ATG4B: variants seen among roughly 807,000 people sequenced by gnomAD.
ATG4B encodes autophagy related 4B cysteine peptidase.
In ATG4B, 29 loss-of-function variants were observed where a neutral mutation model predicts 56.6. The ratio of observed to expected loss-of-function variants is 0.51; its 90% CI spans 0.38 to 0.70. ATG4B has a LOEUF of 0.70. Ranked by LOEUF, ATG4B falls within the 30% of genes least tolerant of loss-of-function variation. The pLI, the probability that ATG4B is intolerant of heterozygous loss-of-function variation, is 0.00. For missense variants in ATG4B, 461 were observed against 515.5 expected, an observed-to-expected ratio of 0.89 and a Z score of 1.02; for synonymous variants, 224 against 206.1, an observed-to-expected ratio of 1.09 and a Z score of -0.74.
intron 11 of ATG4B, 70 bp downstream of exon 11, chr2:241,670,852 G>T (rs1344135303): frequency 1.4e-6 from 2 of 1,475,832 alleles, no homozygotes; most frequent in Admixed American, 1.9e-5. Flanking sequence ...GCGTGCAGGG[G>T]TCGAAGGCCT....
chr2:241,670,157 C>T (rs2068916585), intron 10 of ATG4B, among the ~76,000 whole-genome samples: 2 of 152,238 alleles, frequency 1.3e-5, no homozygotes, highest in South Asian at 2.1e-4. Context: ...TTTGTGTTAA[C>T]ATCTGCGCAT....
Position 241,672,912 on chromosome 2 carries a change from C to T in ATG4B, c.*648C>T. On this transcript the variant is annotated 3_prime_UTR_variant, in exon 13 of 13. Transcript: ENST00000404914. ...GTGGGAAACCTGAAGATGGCGTGCACAGGACACAGCGTGGGCGGCCTGGGC... is the reference window on the plus strand; with the variant it reads ...GTGGGAAACCTGAAGATGGCGTGCATAGGACACAGCGTGGGCGGCCTGGGC... 6.1e-6 allele frequency: 1 copy of T among 164,144 alleles called. No individual in the cohort carries two copies. Among genetic ancestry groups the T allele is most frequent in the Admixed American group, 5.6e-5 (1 of 17,746 alleles). The allele number at this position is 164,144 out of a possible 1,614,324, so 10.2% of individuals were successfully genotyped here.
In ATG4B at chr2:241,653,227, G is replaced by A. The variant is rs145510411; in HGVS notation, c.185-285G>A. 2,818 of 1,007,728 alleles carry A rather than the reference G, an allele frequency of 2.8e-3. 66 individuals carry two copies. The African/African-American group carries it at 0.04, about 14-fold the overall frequency. The allele number at this position is 1,007,728 out of a possible 1,614,324, so 62.4% of individuals were successfully genotyped here. ...CTTTGCATTTTCTGGATGACTTACG[G>A]GGGTCAGTGTCTTCATATGTTTGTC... is the stretch of plus-strand genomic sequence containing the variant. On this transcript the variant is annotated intron_variant, in intron 3 of 12. Coordinates refer to ENST00000404914, the MANE Select transcript of ATG4B (RefSeq NM_013325.5).
At chr2:241,652,613 C>T (rs1258445122) in intron 3 of ATG4B, among the ~76,000 whole-genome samples, 2 of 152,214 alleles carry the variant, frequency 1.3e-5, no homozygotes, top group Admixed American at 1.3e-4. Context: ...TCTCCCTCCT[C>T]AGCCTCCTGA....
In ATG4B at chr2:241,665,817, T is replaced by G. The variant is rs1005095540; in HGVS notation, c.539-828T>G. ...CTTTCACGTTTATTGGTTGGCGTTC[T>G]GAGAAGAGCCGCCTTTTCTCCCATC... On this transcript the variant is annotated intron_variant, in intron 7 of 12. Coordinates refer to ENST00000404914, the MANE Select transcript of ATG4B (RefSeq NM_013325.5). 3.3e-5 allele frequency among the ~76,000 whole-genome samples: 5 copies of G among 152,388 alleles called. No homozygotes were observed. In the South Asian group the frequency reaches 1.0e-3, roughly 32 times the overall value.
intron 1 of ATG4B, among the ~76,000 whole-genome samples, chr2:241,646,598 A>ACT (rs563365539): frequency 6.6e-6 from 1 of 152,148 alleles, no homozygotes; most frequent in South Asian, 2.1e-4. Flanking sequence ...GCCTCCAGAT[A>ACT]CTCTCGAGAT....
intron 6 of ATG4B, 62 bp from the exon 7 acceptor site, chr2:241,659,046 T>G: frequency 7.4e-7 from 1 of 1,356,504 alleles, no homozygotes. Flanking sequence ...CAGCTATAGC[T>G]GCAAAGATGA....
chr2:241,652,451 AGCAGCCCTGTC>A (rs2068253053), intron 3 of ATG4B, among the ~76,000 whole-genome samples: 1 of 152,228 alleles, frequency 6.6e-6, no homozygotes, highest in Non-Finnish European at 1.5e-5. Context: ...CTGCACATGA[AGCAGCCCTGTC>A]GCAGTTCTGA....
At position 241,650,907 on chromosome 2, in the gene ATG4B, TAC is replaced by T. The variant is rs909737648; in HGVS notation, c.11-101_11-100del. 1.3e-4 allele frequency: 123 copies of T among 947,220 alleles called. No homozygotes were observed. In the African/African-American group the frequency reaches 1.7e-3, roughly 13 times the overall value. 58.7% of individuals were successfully genotyped at this position (947,220 alleles called of 1,614,324 possible). A position where few individuals can be genotyped will look rare whatever the true frequency, so the allele number is the denominator to read the frequency against. On this transcript the variant is annotated intron_variant, in intron 1 of 12. Coordinates refer to ENST00000404914, the MANE Select transcript of ATG4B (RefSeq NM_013325.5). The stretch of plus-strand genomic sequence containing the variant: ...AGGGAGTGCTGCTGTTACAAGAATT[TAC>T]AGTTGTTCTCTTCAGCACAGAAATG...
rs1021023710 is a variant in ATG4B at position 241,672,415 on chromosome 2, G to A, written c.*151G>A. 13 of 709,656 alleles carry A rather than the reference G, an allele frequency of 1.8e-5. No homozygotes were observed. Among genetic ancestry groups the A allele is most frequent in the South Asian group, 7.2e-5 (4 of 55,202 alleles). The allele number at this position is 709,656 out of a possible 1,614,324, so 44.0% of individuals were successfully genotyped here. On this transcript the variant is annotated 3_prime_UTR_variant, in exon 13 of 13. Transcript: ENST00000404914. ...CGCTGTGCTCGTGGACTGAGGCTGC[G>A]CTGCCCGGGAGGCCTTACTGCTTGG...
intron 6 of ATG4B, among the ~76,000 whole-genome samples, chr2:241,658,122 C>G (rs2068467051): frequency 6.6e-6 from 1 of 152,246 alleles, no homozygotes; most frequent in Admixed American, 6.5e-5. Flanking sequence ...CTGCTGCTTC[C>G]TTGTTTGCCC....
At chr2:241,666,481 A>G (rs2068775328) in intron 7 of ATG4B, 164 bp from the exon 8 acceptor site, 1 of 725,910 alleles carries the variant, frequency 1.4e-6, no homozygotes, top group Non-Finnish European at 2.3e-6. Context: ...AGATTATGAA[A>G]AAATTTTCTT....
At chr2:241,659,707 C>T (rs748938525) in intron 7 of ATG4B, 33 of 218,112 alleles carry the variant, frequency 1.5e-4, no homozygotes, top group Non-Finnish European at 2.6e-4. Context: ...CAAATGGGCT[C>T]ATTGAGTGAG....
rs1428622795 is a variant in ATG4B, at chr2:241,655,048, C to T, written c.386-223C>T. On this transcript the variant is annotated intron_variant, in intron 5 of 12. Coordinates refer to ENST00000404914, the MANE Select transcript of ATG4B (RefSeq NM_013325.5). ...GTTTTCACTTATAGAAGGAAGTGGTCCCTTCATTTCCCCTCCTTTTCTAAG... is the reference window on the plus strand; with the variant it reads ...GTTTTCACTTATAGAAGGAAGTGGTTCCTTCATTTCCCCTCCTTTTCTAAG... 3 of 592,472 alleles carry T rather than the reference C, an allele frequency of 5.1e-6. No homozygotes were observed. The African/African-American group carries it at 5.6e-5, about 11-fold the overall frequency. 36.7% of individuals were successfully genotyped at this position (592,472 alleles called of 1,614,324 possible).
intron 7 of ATG4B, among the ~76,000 whole-genome samples, chr2:241,662,084 T>C (rs2068609261): frequency 6.6e-6 from 1 of 152,148 alleles, no homozygotes; most frequent in Non-Finnish European, 1.5e-5. Context: ...ATTAGAACTT[T>C]TCGGGAGAGT....
chr2:241,655,310 G>T lies in ATG4B; in HGVS notation c.425G>T (p.Trp142Leu). 1 of 1,612,046 alleles carries T rather than the reference G, an allele frequency of 6.2e-7. No individual in the cohort carries two copies. Among genetic ancestry groups the T allele is most frequent in the Non-Finnish European group, 8.5e-7 (1 of 1,179,098 alleles). ...GGCGAAGGCAAGTCCATAGGCCAGT[G>T]GTACGGGCCCAACACTGTCGCCCAG... ...GVGEGKSIGQ[W>L]YGPNTVAQVL... The change falls in exon 6 of 13, where the codon TGG becomes TTG. Residue 142 changes from tryptophan to leucine, a missense_variant. By Grantham distance (61) the Trp-to-Leu change is moderately conservative. Transcript: ENST00000404914.
At position 241,673,720 on chromosome 2, in the gene ATG4B, ATG is replaced by A; in HGVS notation, c.*1461_*1462del. ...CGCTGTGCTGGGAGCTGCAGTGGTA[ATG>A]TGTGGGACACCTTGACCAAAGGGGA... On this transcript the variant is annotated 3_prime_UTR_variant, in exon 13 of 13. Coordinates refer to ENST00000404914, the MANE Select transcript of ATG4B (RefSeq NM_013325.5). 1 of 455,428 alleles carries A rather than the reference ATG, an allele frequency of 2.2e-6. No individual in the cohort carries two copies. The highest frequency in any genetic ancestry group is 4.4e-6 in the Non-Finnish European group (1 of 227,008). The allele number at this position is 455,428 out of a possible 1,614,324, so 28.2% of individuals were successfully genotyped here.
intron 1 of ATG4B, among the ~76,000 whole-genome samples, chr2:241,639,383 G>A (rs1318979861): frequency 6.6e-6 from 1 of 152,222 alleles, no homozygotes; most frequent in Non-Finnish European, 1.5e-5. Context: ...CCTGCTCCAG[G>A]CTATAGCTCT....
Position 241,668,860 on chromosome 2 carries a change from A to C in ATG4B, c.957+175A>C. The C allele has an allele frequency of 1.1e-6, 1 of 903,152 alleles. No individual in the cohort carries two copies. Among genetic ancestry groups the C allele is most frequent in the Non-Finnish European group, 1.6e-6 (1 of 610,012 alleles). 55.9% of individuals were successfully genotyped at this position (903,152 alleles called of 1,614,324 possible). ...GCCGGAACTGTGTCCTTGCACCCTC[A>C]CGTCCCTCCCCCAGGCACCACCTCC... On this transcript the variant is annotated intron_variant, in intron 10 of 12. Transcript: ENST00000404914. This position sits in a 1 kb window ranked among gnomAD's most constrained non-coding sequence, Gnocchi z 4.2.
Sources: allele counts gnomAD v4.1 joint callset (sites outside exome capture counted in the v4.1 genomes callset), GRCh38; gene constraint gnomAD v4.1.1; non-coding constraint Gnocchi (gnomAD v3.1); transcripts MANE v1.5; gene names NCBI Gene and HGNC (gene_info 2026-07-23, HGNC 2026-07-21).